ATP8A2: variants seen among roughly 807,000 people sequenced by gnomAD.
ATP8A2 encodes phospholipid-transporting ATPase IB.
In ATP8A2, 100 loss-of-function variants were observed where a neutral mutation model predicts 165.6. That is an observed-to-expected ratio of 0.60 (90% CI 0.51 to 0.71). ATP8A2 has a LOEUF of 0.71. Among genes scored for constraint, ATP8A2 ranks in the 30% least tolerant of loss-of-function variants. The pLI, the probability that ATP8A2 is intolerant of heterozygous loss-of-function variation, is 0.00. For synonymous variants in ATP8A2, 543 were observed against 548.8 expected (o/e 0.99, Z 0.15); for missense variants, 1,227 against 1,479.5 (o/e 0.83, Z 2.80).
At chr13:25,464,872 A>G (rs1177809088) in intron 1 of ATP8A2, among the ~76,000 whole-genome samples, 1 of 152,228 alleles carries the variant, frequency 6.6e-6, no homozygotes. Flanking sequence ...AGGGCACTCT[A>G]TCCAGGGATA....
chr13:25,666,742 C>CTT (rs2042163116), intron 24 of ATP8A2, among the ~76,000 whole-genome samples: 3 of 152,158 alleles, frequency 2.0e-5, no homozygotes, highest in African/African-American at 7.2e-5. Context: ...ATACATTTAA[C>CTT]TTTGCTTTCA....
intron 35 of ATP8A2, among the ~76,000 whole-genome samples, chr13:25,997,247 T>G (rs2139309361): frequency 6.6e-6 from 1 of 152,360 alleles, no homozygotes; most frequent in East Asian, 1.9e-4. Context: ...GACAGTTCTG[T>G]TCTTTCAGCA....
chr13:25,748,226 A>C (rs2044077271), intron 25 of ATP8A2, among the ~76,000 whole-genome samples: 1 of 152,208 alleles, frequency 6.6e-6, no homozygotes, highest in Non-Finnish European at 1.5e-5. Context: ...TTTTCGATGA[A>C]AGGAGATGAT....
In ATP8A2 at chr13:25,897,212, C is replaced by G. The variant is rs528663191; in HGVS notation, c.3183+34804C>G. Reference sequence around the variant, plus strand: ...ATGTTTAGTGCTTCCTTCAGGAGCTCTTTTAGGGCAGGCCTGGTGTGACAA... The same window carrying G: ...ATGTTTAGTGCTTCCTTCAGGAGCTGTTTTAGGGCAGGCCTGGTGTGACAA... On this transcript the variant is annotated intron_variant, in intron 33 of 36. Transcript: ENST00000381655. Among the ~76,000 whole-genome samples, 130 of 152,264 alleles carry G rather than the reference C, an allele frequency of 8.5e-4. 1 individual carries two copies. The East Asian group carries it at 0.023, about 27-fold the overall frequency.
intron 1 of ATP8A2, among the ~76,000 whole-genome samples, chr13:25,441,760 A>G (rs556390042): frequency 1.3e-5 from 2 of 152,348 alleles, no homozygotes; most frequent in Admixed American, 1.3e-4. Flanking sequence ...TACACATAAC[A>G]TAGAATTTAC....
chr13:25,551,551 T>A, intron 11 of ATP8A2, 48 bp downstream of exon 11: 3 of 1,550,960 alleles, frequency 1.9e-6, no homozygotes, highest in Non-Finnish European at 2.6e-6. Flanking sequence ...AAACCATTTT[T>A]GAGATGTTCT....
chr13:25,601,888 T>A (rs1196418520), intron 24 of ATP8A2, among the ~76,000 whole-genome samples: 1 of 152,244 alleles, frequency 6.6e-6, no homozygotes, highest in Non-Finnish European at 1.5e-5. Flanking sequence ...GAGTGCTTTT[T>A]CATGAGTGCC....
chr13:25,861,022 C>A (rs2138758853), intron 32 of ATP8A2, among the ~76,000 whole-genome samples, 162 bp downstream of exon 32: 1 of 152,226 alleles, frequency 6.6e-6, no homozygotes, highest in East Asian at 1.9e-4. Flanking sequence ...AATTTGCAAT[C>A]CAAAGTCTCT....
At chr13:25,505,205 G>GGC (rs1001181507) in intron 2 of ATP8A2, among the ~76,000 whole-genome samples, 3 of 141,252 alleles carry the variant, frequency 2.1e-5, no homozygotes, top group Non-Finnish European at 4.5e-5. Flanking sequence ...GGCGGGGCGG[G>GGC]GGGGGGTGGT....
At chr13:25,791,980 A>G (rs572231472) in intron 27 of ATP8A2, among the ~76,000 whole-genome samples, 7 of 152,314 alleles carry the variant, frequency 4.6e-5, no homozygotes, top group African/African-American at 1.7e-4. Flanking sequence ...AAATAAAGCA[A>G]AAATCATTTT....
At chr13:25,670,242 G>T (rs763393603) in intron 24 of ATP8A2, among the ~76,000 whole-genome samples, 6 of 152,156 alleles carry the variant, frequency 3.9e-5, no homozygotes, top group Non-Finnish European at 7.4e-5. Context: ...GATGTGATTT[G>T]GTAGTTCCTT....
chr13:25,551,071 T>C (rs2038807097), intron 10 of ATP8A2, among the ~76,000 whole-genome samples: 1 of 152,212 alleles, frequency 6.6e-6, no homozygotes, highest in Non-Finnish European at 1.5e-5. Flanking sequence ...AATTATATGC[T>C]AAGATATAAT....
chr13:25,570,617 GA>G, intron 16 of ATP8A2, 149 bp from the exon 17 acceptor site: 2 of 561,016 alleles, frequency 3.6e-6, no homozygotes, highest in Non-Finnish European at 6.4e-6. Flanking sequence ...AGAGCGGTAG[GA>G]GGGGGATCTG....
At chr13:25,756,465 C>T (rs1007343757) in intron 25 of ATP8A2, among the ~76,000 whole-genome samples, 39 of 152,110 alleles carry the variant, frequency 2.6e-4, no homozygotes, top group African/African-American at 5.1e-4. Flanking sequence ...CTCCCACCCA[C>T]GGCCCAGTTG....
intron 25 of ATP8A2, among the ~76,000 whole-genome samples, chr13:25,742,518 T>A (rs1477313941): frequency 1.3e-5 from 2 of 152,102 alleles, no homozygotes; most frequent in African/African-American, 4.8e-5. Context: ...TGTTTTCTAC[T>A]TCCTCCCCCT....
At chr13:25,549,370 G>A (rs547624662) in intron 10 of ATP8A2, among the ~76,000 whole-genome samples, 3 of 150,700 alleles carry the variant, frequency 2.0e-5, no homozygotes, top group Admixed American at 1.3e-4. Context: ...TGAGGCAGGA[G>A]AATCACTTGA....
chr13:25,597,993 C>T (rs928763598), intron 24 of ATP8A2, among the ~76,000 whole-genome samples: 4 of 151,734 alleles, frequency 2.6e-5, no homozygotes, highest in African/African-American at 9.7e-5. Flanking sequence ...GTGTTTACTT[C>T]CAGGAGTTTT....
At chr13:25,386,951 C>T (rs1460067153) in intron 1 of ATP8A2, among the ~76,000 whole-genome samples, 22 of 125,914 alleles carry the variant, frequency 1.7e-4, no homozygotes, top group African/African-American at 4.1e-4. Context: ...GAGCCGAGAT[C>T]GCGCCCTTGC....
chr13:25,472,583 A>G (rs2035877557), intron 2 of ATP8A2, among the ~76,000 whole-genome samples: 1 of 152,024 alleles, frequency 6.6e-6, no homozygotes. Flanking sequence ...GAAGCTATTC[A>G]AAGGAATATT....
Sources: gnomAD v4.1 joint callset for allele counts (sites outside exome capture counted in the v4.1 genomes callset) on GRCh38, gnomAD v4.1.1 for gene constraint, MANE v1.5 for transcripts, NCBI Gene and HGNC (gene_info 2026-07-23, HGNC 2026-07-21) for gene names.